AK4: variants seen among roughly 807,000 people sequenced by gnomAD.
AK4 encodes the protein adenylate kinase 4.
Under a neutral mutation model 24.6 loss-of-function variants are expected in AK4, and 13 were observed. The ratio of observed to expected loss-of-function variants is 0.53; its 90% CI spans 0.34 to 0.84. AK4 has a LOEUF of 0.84. Ranked by LOEUF, AK4 falls within the 40% of genes least tolerant of loss-of-function variation. The pLI, the probability that AK4 is intolerant of heterozygous loss-of-function variation, is 0.01. For synonymous variants in AK4, 88 were observed against 107.0 expected (o/e 0.82, Z 1.10); for missense variants, 192 against 288.2 (o/e 0.67, Z 2.42).
chr1:65,163,430 G>C (rs995265874), intron 1 of AK4, among the ~76,000 whole-genome samples: 18 of 152,342 alleles, frequency 1.2e-4, no homozygotes, highest in African/African-American at 4.3e-4. Context: ...AATCGGAAGT[G>C]AGATACAGAA....
rs113891826 is a variant in AK4 at position 65,167,502 on chromosome 1, TA to T, written c.145+18963del. Among the ~76,000 whole-genome samples, 1,024 of 142,472 alleles carry T rather than the reference TA, an allele frequency of 7.2e-3. 2 individuals are homozygous for T. Among genetic ancestry groups the T allele is most frequent in the African/African-American group, 0.015 (596 of 39,108 alleles). The allele number at this position is 142,472 out of a possible 152,430, so 93.5% of individuals were successfully genotyped here. A position where few individuals can be genotyped will look rare whatever the true frequency, so the allele number is the denominator to read the frequency against. ...CTTGTATTACTTTAGTGGCTTAGTTTAAAAAAAAAAAAAGATCAAGGATCTA... is the reference window on the plus strand; with the variant it reads ...CTTGTATTACTTTAGTGGCTTAGTTTAAAAAAAAAAAAGATCAAGGATCTA... On this transcript the variant is annotated intron_variant, in intron 1 of 4. Transcript: ENST00000327299.
chr1:65,226,435 A>C lies in AK4; in HGVS notation c.*258A>C. On this transcript the variant is annotated 3_prime_UTR_variant, in exon 5 of 5. Transcript: ENST00000327299. ...AAGCCCATCACAAGAAAGCAAGTAC[A>C]GTGTGGATTTCAAATGGTGTGTAAC... 1 of 359,246 alleles carries C rather than the reference A, an allele frequency of 2.8e-6. No individual in the cohort carries two copies. Among genetic ancestry groups the C allele is most frequent in the Non-Finnish European group, 5.1e-6 (1 of 197,908 alleles). 22.3% of individuals were successfully genotyped at this position (359,246 alleles called of 1,614,324 possible). A position where few individuals can be genotyped will look rare whatever the true frequency, so the allele number is the denominator to read the frequency against.
At position 65,166,203 on chromosome 1, in the gene AK4, ATTG is replaced by A. The variant is rs766669341; in HGVS notation, c.145+17654_145+17656del. On this transcript the variant is annotated intron_variant, in intron 1 of 4. Coordinates refer to ENST00000327299, the MANE Select transcript of AK4 (RefSeq NM_013410.4). ...CCTGGCAAGTAGGAGGCTTTTCTCT[ATTG>A]TTTGTTCCCTTCTTTTCTGGAGTCC... is the stretch of plus-strand genomic sequence containing the variant. 1.0e-3 allele frequency among the ~76,000 whole-genome samples: 159 copies of A among 151,848 alleles called. 2 individuals are homozygous for A. Among genetic ancestry groups the A allele is most frequent in the Non-Finnish European group, 2.9e-4 (20 of 67,966 alleles).
intron 3 of AK4, among the ~76,000 whole-genome samples, chr1:65,223,095 T>C (rs1386727042): frequency 6.6e-6 from 1 of 152,006 alleles, no homozygotes; most frequent in Non-Finnish European, 1.5e-5. Context: ...AAATATGTCA[T>C]TTTTTAAATA....
intron 2 of AK4, among the ~76,000 whole-genome samples, chr1:65,210,083 C>T (rs1450685892): frequency 6.6e-6 from 1 of 152,160 alleles, no homozygotes; most frequent in Non-Finnish European, 1.5e-5. Flanking sequence ...AGGTGTTGAC[C>T]ATTCTTCTCG....
chr1:65,187,526 T>C (rs1455366480), intron 1 of AK4, among the ~76,000 whole-genome samples: 2 of 152,068 alleles, frequency 1.3e-5, no homozygotes, highest in South Asian at 2.1e-4. Context: ...TTGTACAACA[T>C]TGAGACTATA....
At position 65,230,598 on chromosome 1, in the gene AK4, A is replaced by G. The variant is rs776298158; in HGVS notation, c.*4421A>G. On this transcript the variant is annotated 3_prime_UTR_variant, in exon 5 of 5. Coordinates refer to ENST00000327299, the MANE Select transcript of AK4 (RefSeq NM_013410.4). ...CTAAACTTGCCTCCTTGTATTATAAATGGAAATAATCCTGTTTATTTAAAC... is the reference window on the plus strand; with the variant it reads ...CTAAACTTGCCTCCTTGTATTATAAGTGGAAATAATCCTGTTTATTTAAAC... 3.9e-5 allele frequency: 6 copies of G among 152,246 alleles called. No individual in the cohort carries two copies. The highest frequency in any genetic ancestry group is 8.8e-5 in the Non-Finnish European group (6 of 68,044). The allele number at this position is 152,246 out of a possible 1,614,324, so 9.4% of individuals were successfully genotyped here. A position where few individuals can be genotyped will look rare whatever the true frequency, so the allele number is the denominator to read the frequency against.
chr1:65,206,976 T>C (rs568361458), intron 2 of AK4, among the ~76,000 whole-genome samples: 4 of 152,258 alleles, frequency 2.6e-5, no homozygotes, highest in African/African-American at 9.6e-5. Context: ...TCAGGAAAAA[T>C]CCTCGCGATG....
At chr1:65,166,779 C>G (rs1650346714) in intron 1 of AK4, among the ~76,000 whole-genome samples, 1 of 152,212 alleles carries the variant, frequency 6.6e-6, no homozygotes. Flanking sequence ...CTTTGGCCTC[C>G]CACAGTGTTG....
chr1:65,185,047 G>A (rs1390003026), intron 1 of AK4, among the ~76,000 whole-genome samples: 4 of 152,138 alleles, frequency 2.6e-5, no homozygotes, highest in East Asian at 3.9e-4. Context: ...ACTTGGGGTC[G>A]TACTGCTTGT....
intron 2 of AK4, among the ~76,000 whole-genome samples, chr1:65,193,636 C>T (rs1428692468): frequency 1.3e-5 from 2 of 152,156 alleles, no homozygotes; most frequent in Non-Finnish European, 2.9e-5. Context: ...GGATTGGTTC[C>T]AGGACCACTC....
upstream of AK4, chr1:65,147,916 C>G (rs1649616943): frequency 1.3e-5 from 2 of 154,080 alleles, no homozygotes; most frequent in African/African-American, 4.8e-5. Context: ...CCGCCCGGTG[C>G]GTGGGGCGGC....
intron 1 of AK4, among the ~76,000 whole-genome samples, chr1:65,177,456 A>G (rs532436499): frequency 1.3e-5 from 2 of 152,238 alleles, no homozygotes; most frequent in African/African-American, 2.4e-5. Flanking sequence ...ACAGACACCC[A>G]GAGGAGATGG....
chr1:65,191,274 T>TACAA (rs1268262413), intron 2 of AK4, among the ~76,000 whole-genome samples: 12 of 152,212 alleles, frequency 7.9e-5, no homozygotes, highest in African/African-American at 2.9e-4. Flanking sequence ...ATGAGCAACC[T>TACAA]TTGTAGAGCA....
At chr1:65,199,504 G>A (rs1283508112) in intron 2 of AK4, among the ~76,000 whole-genome samples, 4 of 152,080 alleles carry the variant, frequency 2.6e-5, no homozygotes, top group South Asian at 2.1e-4. Context: ...AGCCGAGATC[G>A]TGCTACTGTA....
intron 2 of AK4, among the ~76,000 whole-genome samples, chr1:65,203,343 A>G (rs1371439244): frequency 1.3e-5 from 2 of 152,194 alleles, no homozygotes; most frequent in Admixed American, 6.5e-5. Flanking sequence ...ATTATTTATT[A>G]TAATTGATTT....
intron 1 of AK4, among the ~76,000 whole-genome samples, chr1:65,167,959 C>T (rs1281879992): frequency 1.3e-5 from 2 of 152,156 alleles, no homozygotes; most frequent in Non-Finnish European, 2.9e-5. Context: ...GGCAGCACTT[C>T]TCTGACTTAA....
At chr1:65,224,087 G>A (rs186880421) in intron 3 of AK4, among the ~76,000 whole-genome samples, 21 of 152,204 alleles carry the variant, frequency 1.4e-4, no homozygotes, top group African/African-American at 5.1e-4. Flanking sequence ...GCAACACATA[G>A]GAAAAGCTAA....
At chr1:65,217,383 T>G (rs184559193) in intron 2 of AK4, among the ~76,000 whole-genome samples, 2 of 152,340 alleles carry the variant, frequency 1.3e-5, no homozygotes, top group East Asian at 3.9e-4. Flanking sequence ...ATACTTCCAA[T>G]TTTGAAAGGG....
Sources: allele counts gnomAD v4.1 joint callset (sites outside exome capture counted in the v4.1 genomes callset), GRCh38; gene constraint gnomAD v4.1.1; transcripts MANE v1.5; gene names NCBI Gene and HGNC (gene_info 2026-07-23, HGNC 2026-07-21).